Variants in PSIP1 observed in about 807,000 individuals in gnomAD.
The protein encoded by PSIP1 is PC4 and SFRS1-interacting protein.
A neutral mutation model predicts 74.7 loss-of-function variants in PSIP1; 19 were observed. That is an observed-to-expected ratio of 0.25 (90% CI 0.18 to 0.37). The LOEUF (loss-of-function observed/expected upper bound fraction) is 0.37. PSIP1 is among the 10% of genes least tolerant of loss of function. The pLI is 1.00. For missense variants in PSIP1, 601 were observed against 614.3 expected, an observed-to-expected ratio of 0.98 and a Z score of 0.23; for synonymous variants, 222 against 195.3, an observed-to-expected ratio of 1.14 and a Z score of -1.14.
chr9:15,498,202 G>C (rs2037173859), intron 3 of PSIP1, among the ~76,000 whole-genome samples: 1 of 152,142 alleles, frequency 6.6e-6, no homozygotes, highest in African/African-American at 2.4e-5. Flanking sequence ...TGTCACCTGA[G>C]GTCAGGAGTT....
chr9:15,483,669 A>G (rs1307513680), intron 6 of PSIP1, among the ~76,000 whole-genome samples: 2 of 152,180 alleles, frequency 1.3e-5, no homozygotes, highest in Non-Finnish European at 2.9e-5. Flanking sequence ...TAAAATTCTG[A>G]ATGAATTTTA....
At chr9:15,503,495 A>T (rs1041286016) in intron 3 of PSIP1, among the ~76,000 whole-genome samples, 113 of 152,010 alleles carry the variant, frequency 7.4e-4, no homozygotes, top group African/African-American at 2.5e-3. Flanking sequence ...CATCTCTAAA[A>T]AATAATAATA....
At chr9:15,478,298 G>C (rs886549493) in intron 8 of PSIP1, among the ~76,000 whole-genome samples, 179 bp downstream of exon 8, 1 of 151,650 alleles carries the variant, frequency 6.6e-6, no homozygotes, top group Admixed American at 6.6e-5. Context: ...ATGATAAATA[G>C]CCATTCCTTA....
In PSIP1 at chr9:15,465,383, CAA is replaced by C. The variant is rs1302991384; in HGVS notation, c.*135_*136del. ...CGATAATGTTTACTTTACTTTAAAA[CAA>C]AGGGATTTTCTCCCTCAAAACAAGT... On this transcript the variant is annotated 3_prime_UTR_variant, in exon 16 of 16. Transcript: ENST00000380733. 1.4e-6 allele frequency: 1 copy of C among 716,294 alleles called. No homozygotes were observed. Among genetic ancestry groups the C allele is most frequent in the Non-Finnish European group, 2.3e-6 (1 of 430,426 alleles). The allele number at this position is 716,294 out of a possible 1,614,324, so 44.4% of individuals were successfully genotyped here.
intron 6 of PSIP1, 37 bp from the exon 7 acceptor site, chr9:15,479,724 T>C (rs753528851): frequency 1.9e-6 from 3 of 1,542,620 alleles, no homozygotes; most frequent in African/African-American, 2.7e-5. Flanking sequence ...ATTTAGCAAA[T>C]AGTAGGCACT....
chr9:15,464,073 G>GA lies in PSIP1; in HGVS notation c.*1446dup, dbSNP rs2035441566. 1 of 177,616 alleles carries GA rather than the reference G, an allele frequency of 5.6e-6. No homozygotes were observed. Among genetic ancestry groups the GA allele is most frequent in the South Asian group, 2.0e-4 (1 of 5,054 alleles). The allele number at this position is 177,616 out of a possible 1,614,324, so 11.0% of individuals were successfully genotyped here. A position where few individuals can be genotyped will look rare whatever the true frequency, so the allele number is the denominator to read the frequency against. On this transcript the variant is annotated 3_prime_UTR_variant, in exon 16 of 16. Coordinates refer to ENST00000380733, the MANE Select transcript of PSIP1 (RefSeq NM_033222.5). The stretch of plus-strand genomic sequence containing the variant: ...AGTAATTTACTAGCAGAGTTTGATA[G>GA]AAAAATTCTTTAATGAAAACAAGTT...
At chr9:15,476,299 C>G (rs1372469786) in intron 8 of PSIP1, among the ~76,000 whole-genome samples, 1 of 152,178 alleles carries the variant, frequency 6.6e-6, no homozygotes, top group African/African-American at 2.4e-5. Flanking sequence ...CATGTAGTCA[C>G]TTGCTTTAGG....
chr9:15,492,152 C>T (rs1031678543), intron 3 of PSIP1: 1 of 152,234 alleles, frequency 6.6e-6, no homozygotes, highest in African/African-American at 2.4e-5. Context: ...AGTCTTAACT[C>T]ATTCCAGCAT....
At chr9:15,481,069 C>T (rs966453603) in intron 6 of PSIP1, among the ~76,000 whole-genome samples, 17 of 152,088 alleles carry the variant, frequency 1.1e-4, no homozygotes, top group Admixed American at 2.6e-4. Context: ...CTAAGGTAAC[C>T]CTTGAGTTGT....
intron 6 of PSIP1, 175 bp downstream of exon 6, chr9:15,485,831 A>C: frequency 1.9e-6 from 1 of 532,582 alleles, no homozygotes. Flanking sequence ...TAAGGGTGCT[A>C]TATCACTAAG....
At chr9:15,479,386 C>T (rs2036239012) in intron 7 of PSIP1, among the ~76,000 whole-genome samples, 1 of 152,020 alleles carries the variant, frequency 6.6e-6, no homozygotes, top group Non-Finnish European at 1.5e-5. Flanking sequence ...TTAGGGAAAA[C>T]ATAACAGAGA....
At chr9:15,484,587 C>A (rs988339663) in intron 6 of PSIP1, among the ~76,000 whole-genome samples, 4 of 151,878 alleles carry the variant, frequency 2.6e-5, no homozygotes, top group Admixed American at 2.6e-4. Flanking sequence ...ATTAGGTGTG[C>A]ATGGTGGTGT....
intron 15 of PSIP1, among the ~76,000 whole-genome samples, chr9:15,466,161 T>C (rs1027138836): frequency 6.6e-6 from 1 of 152,174 alleles, no homozygotes; most frequent in Non-Finnish European, 1.5e-5. Flanking sequence ...GTGGATCACC[T>C]GAGGTCAGGA....
chr9:15,502,635 C>T (rs981323571), intron 3 of PSIP1, among the ~76,000 whole-genome samples: 3 of 152,080 alleles, frequency 2.0e-5, no homozygotes, highest in African/African-American at 4.8e-5. Flanking sequence ...TGACCAAGAG[C>T]GGACAGATCC....
At chr9:15,475,007 C>A (rs377098632) in intron 8 of PSIP1, among the ~76,000 whole-genome samples, 1 of 152,210 alleles carries the variant, frequency 6.6e-6, no homozygotes, top group Admixed American at 6.5e-5. Context: ...AGTTCAACCC[C>A]TTCCATTTGA....
At chr9:15,510,058 CA>C in intron 2 of PSIP1, 58 bp downstream of exon 2, 2 of 1,473,458 alleles carry the variant, frequency 1.4e-6, no homozygotes, top group Non-Finnish European at 1.9e-6. Flanking sequence ...ACACGGTGGG[CA>C]GCAGGCCTCT....
At position 15,469,355 on chromosome 9, in the gene PSIP1, GA is replaced by G; in HGVS notation, c.1034-20del. 6.8e-7 allele frequency: 1 copy of G among 1,474,850 alleles called. No individual in the cohort carries two copies. The highest frequency in any genetic ancestry group is 1.2e-5 in the South Asian group (1 of 81,534). 91.4% of individuals were successfully genotyped at this position (1,474,850 alleles called of 1,614,324 possible). On this transcript the variant is annotated intron_variant, in intron 11 of 15. Coordinates refer to ENST00000380733, the MANE Select transcript of PSIP1 (RefSeq NM_033222.5). Reference sequence around the variant, plus strand: ...GATGTTTCTACAAATTAAAATATGTGAAAAACAGTGAACAGTTTTTCCAAAA... The same window carrying G: ...GATGTTTCTACAAATTAAAATATGTGAAAACAGTGAACAGTTTTTCCAAAA...
At chr9:15,505,484 A>C (rs2037544223) in intron 3 of PSIP1, 1 of 152,206 alleles carries the variant, frequency 6.6e-6, no homozygotes, top group African/African-American at 2.4e-5. Context: ...GATGAAGGCC[A>C]AACCAATTCT....
Position 15,468,656 on chromosome 9 carries a change from T to A in PSIP1, c.1394A>T (p.Asn465Ile), listed in dbSNP as rs992092747. The change falls in exon 14 of 16, where the codon AAC (asparagine) becomes ATC (isoleucine). Residue 465 changes from asparagine (N) to isoleucine (I), a missense_variant. Physicochemically the swap from Asn to Ile is moderately radical, Grantham distance 149. Around this residue, in one of 2 missense-constraint regions of PSIP1, gnomAD observed 538 missense variants for 507.6 expected, o/e 1.06. Transcript: ENST00000380733. ...TGTTTGTTCCTTCTCTAGCTTTTTG[T>A]TTGGCCCTTTCTTCCCTTGATCTTT... ...KTKDQGKKGP[N>I]KKLEKEQTGS... 6.2e-7 allele frequency: 1 copy of A among 1,614,134 alleles called. No individual in the cohort carries two copies. The highest frequency in any genetic ancestry group is 8.5e-7 in the Non-Finnish European group (1 of 1,179,990).
Sources: gnomAD v4.1 joint callset for allele counts (sites outside exome capture counted in the v4.1 genomes callset) on GRCh38, gnomAD v4.1.1 for gene constraint, gnomAD v4.1.1 regional missense constraint, MANE v1.5 for transcripts, NCBI Gene and HGNC (gene_info 2026-07-23, HGNC 2026-07-21) for gene names.